The following IDH3A variants were observed in gnomAD, a reference collection of about 807,000 sequenced individuals.
IDH3A encodes isocitrate dehydrogenase [NAD] subunit alpha, mitochondrial.
In IDH3A, 23 loss-of-function variants were observed where a neutral mutation model predicts 43.3. The ratio of observed to expected loss-of-function variants is 0.53; its 90% CI spans 0.38 to 0.75. The LOEUF is 0.75. IDH3A is among the 30% of genes least tolerant of loss of function. IDH3A has a pLI of 0.00. For synonymous variants in IDH3A, 154 were observed against 163.5 expected (o/e 0.94, Z 0.44); for missense variants, 329 against 474.4 (o/e 0.69, Z 2.85).
chr15:78,159,099 C>T lies in IDH3A; in HGVS notation c.175-993C>T, dbSNP rs141731949. Among the ~76,000 whole-genome samples the T allele has an allele frequency of 1.2e-3, 178 of 152,318 alleles. 1 individual carries two copies. The East Asian group carries it at 0.016, about 14-fold the overall frequency. On this transcript the variant is annotated intron_variant, in intron 3 of 10. Coordinates refer to ENST00000299518, the MANE Select transcript of IDH3A (RefSeq NM_005530.3). The stretch of plus-strand genomic sequence containing the variant: ...CCACCCACCTTGGCTTCCCAAAGTG[C>T]AGGGATTACAGGCGTGAGCCACCAC...
In IDH3A at chr15:78,157,596, T is replaced by C; in HGVS notation, c.139T>C (p.Ser47Pro). 6.2e-7 allele frequency: 1 copy of C among 1,613,226 alleles called. No homozygotes were observed. The highest frequency in any genetic ancestry group is 1.1e-5 in the South Asian group (1 of 90,978). ...IPGDGIGPEI[S>P]AAVMKIFDAA... ...AGGAGATGGTATTGGCCCAGAAATT[T>C]CAGCTGCAGTTATGAAGATTTTTGA... The change falls in exon 3 of 11, where the codon TCA (serine) becomes CCA (proline). Residue 47 changes from serine to proline, a missense_variant. Ser to Pro is a moderately conservative substitution (Grantham distance 74). This residue lies in a region of IDH3A where 212 missense variants were observed against 345.5 expected (regional missense o/e 0.61). Transcript: ENST00000299518.
chr15:78,164,816 C>T (rs1007732320), intron 8 of IDH3A, among the ~76,000 whole-genome samples, 176 bp from the exon 9 acceptor site: 10 of 152,196 alleles, frequency 6.6e-5, no homozygotes, highest in African/African-American at 2.4e-4. Flanking sequence ...CTTTCTGACA[C>T]AGTAAGATGC....
intron 3 of IDH3A, among the ~76,000 whole-genome samples, chr15:78,159,201 A>G (rs1213254699): frequency 6.6e-6 from 1 of 152,166 alleles, no homozygotes; most frequent in Non-Finnish European, 1.5e-5. Context: ...TTATGCAACC[A>G]TCACCACAAT....
intron 1 of IDH3A, chr15:78,150,789 T>C (rs1323341008): frequency 6.6e-6 from 1 of 152,252 alleles, no homozygotes; most frequent in East Asian, 1.9e-4. Flanking sequence ...ACTGGTTTTT[T>C]TGTTCAATAA....
rs1462619653 is a variant in IDH3A, at chr15:78,168,933, A to G, written c.1029A>G (p.Lys343=). The change falls in exon 11 of 11, where the codon AAA becomes AAG. Residue 343 remains lysine (K), a synonymous_variant. Coordinates refer to ENST00000299518, the MANE Select transcript of IDH3A (RefSeq NM_005530.3). The stretch of plus-strand genomic sequence containing the variant: ...TTTCCTTTTCTCAGAGCTTGACAAA[A>G]GATTTGGGAGGCAATGCAAAATGCT... The part of the protein sequence containing the change: ...ATIKDGKSLT[K]DLGGNAKCSD... The G allele has an allele frequency of 1.3e-6, 2 of 1,597,646 alleles. No homozygotes were observed. The highest frequency in any genetic ancestry group is 2.2e-5 in the South Asian group (2 of 89,940).
intron 2 of IDH3A, chr15:78,155,685 G>T: frequency 6.0e-6 from 1 of 166,944 alleles, no homozygotes; most frequent in Non-Finnish European, 1.3e-5. Context: ...AGTAGATTGA[G>T]TGCCAATTAG....
Position 78,163,850 on chromosome 15 carries a change from T to C in IDH3A, c.779+70T>C. ...ATAAACATCCTAAAATAATTATGGC[T>C]TAACATTTTCAATTGAGTATTGTGA... On this transcript the variant is annotated intron_variant, in intron 8 of 10. Coordinates refer to ENST00000299518, the MANE Select transcript of IDH3A (RefSeq NM_005530.3). 5.1e-6 allele frequency: 5 copies of C among 987,114 alleles called. No homozygotes were observed. In the Admixed American group the frequency reaches 5.3e-5, roughly 10 times the overall value. 61.1% of individuals were successfully genotyped at this position (987,114 alleles called of 1,614,324 possible).
intron 1 of IDH3A, among the ~76,000 whole-genome samples, chr15:78,149,674 G>C (rs926483584): frequency 2.0e-5 from 3 of 152,132 alleles, no homozygotes; most frequent in African/African-American, 4.8e-5. Flanking sequence ...AGGTCAAGGC[G>C]GGGGGGCGCC....
Position 78,160,080 on chromosome 15 carries a change from T to C in IDH3A, c.175-12T>C. On this transcript the variant is annotated splice_polypyrimidine_tract_variant and intron_variant, in intron 3 of 10. Transcript: ENST00000299518. ...CTCTCCAGCTCACTGTGCTCTGTGA[T>C]GTGGCATCTAGGCACCTATTCAGTG... 6.7e-7 allele frequency: 1 copy of C among 1,498,398 alleles called. No homozygotes were observed. The allele number at this position is 1,498,398 out of a possible 1,614,324, so 92.8% of individuals were successfully genotyped here. A position where few individuals can be genotyped will look rare whatever the true frequency, so the allele number is the denominator to read the frequency against.
At chr15:78,152,049 ATTTTTTTTTTTTT>A (rs574440056) in intron 1 of IDH3A, among the ~76,000 whole-genome samples, 1 of 65,776 alleles carries the variant, frequency 1.5e-5, no homozygotes, top group Non-Finnish European at 2.7e-5. Context: ...ACTCATGTCA[ATTTTTTTTTTTTT>A]TTTTTTTTTT....
Position 78,171,373 on chromosome 15 carries a change from G to T in IDH3A, c.*2368G>T. On this transcript the variant is annotated 3_prime_UTR_variant, in exon 11 of 11. Transcript: ENST00000299518. ...GAAATGCCTGTGCCCAGACTGAAGA[G>T]ACCTGGGGCTCAGGAAGAGGCTCGG... 7.5e-7 allele frequency: 1 copy of T among 1,326,118 alleles called. No homozygotes were observed. Among genetic ancestry groups the T allele is most frequent in the Non-Finnish European group, 1.1e-6 (1 of 929,436 alleles). 82.1% of individuals were successfully genotyped at this position (1,326,118 alleles called of 1,614,324 possible).
Position 78,162,248 on chromosome 15 carries a change from C to A in IDH3A, c.492C>A (p.Val164=), listed in dbSNP as rs572923518. The A allele has an allele frequency of 4.3e-6, 7 of 1,614,058 alleles. No individual in the cohort carries two copies. The East Asian group carries it at 1.3e-4, about 31-fold the overall frequency. ...SGIEHVIVDG[V]VQSIKLITEG... Reference sequence around the variant, plus strand: ...CTGTCTTGCAGATTGTTGATGGAGTCGTGCAGAGTATCAAGCTCATCACCG... The same window carrying A: ...CTGTCTTGCAGATTGTTGATGGAGTAGTGCAGAGTATCAAGCTCATCACCG... The change falls in exon 6 of 11, where the codon GTC becomes GTA. Residue 164 remains valine (V), a synonymous_variant. Transcript: ENST00000299518.
intron 3 of IDH3A, 57 bp downstream of exon 3, chr15:78,157,688 A>G (rs975699910): frequency 8.1e-7 from 1 of 1,232,822 alleles, no homozygotes; most frequent in Non-Finnish European, 1.2e-6. Flanking sequence ...TTTCTTAGCC[A>G]GTTGGATTCT....
At position 78,170,900 on chromosome 15, in the gene IDH3A, C is replaced by G. The variant is rs1030298319; in HGVS notation, c.*1895C>G. 19 of 153,188 alleles carry G rather than the reference C, an allele frequency of 1.2e-4. No homozygotes were observed. Among genetic ancestry groups the G allele is most frequent in the African/African-American group, 4.6e-4 (19 of 41,464 alleles). The allele number at this position is 153,188 out of a possible 1,614,324, so 9.5% of individuals were successfully genotyped here. ...AAATTATACATTAAATAGAATCAAA[C>G]AGGCAGCAGCAGTTTTATTAAGCAT... is the stretch of plus-strand genomic sequence containing the variant. On this transcript the variant is annotated 3_prime_UTR_variant, in exon 11 of 11. Transcript: ENST00000299518.
Position 78,153,840 on chromosome 15 carries a change from GA to G in IDH3A, c.28-1370del, listed in dbSNP as rs563734273. 8.5e-5 allele frequency among the ~76,000 whole-genome samples: 13 copies of G among 152,258 alleles called. No homozygotes were observed. In the East Asian group the frequency reaches 2.5e-3, roughly 29 times the overall value. The stretch of plus-strand genomic sequence containing the variant: ...TTGAGACCAGCCGGGCCAACATGGA[GA>G]AACCCTGTCTCTACTAAAAATACAA... On this transcript the variant is annotated intron_variant, in intron 1 of 10. Coordinates refer to ENST00000299518, the MANE Select transcript of IDH3A (RefSeq NM_005530.3).
Position 78,149,438 on chromosome 15 carries a change from C to A in IDH3A, c.27+8C>A. ...CCCGCGTGGATCTCTAAGGTGAGCG[C>A]TGGCAGGCCGGCGTGTGGCAGGCAG... On this transcript the variant is annotated splice_region_variant and intron_variant, in intron 1 of 10. Transcript: ENST00000299518. 6.5e-7 allele frequency: 1 copy of A among 1,540,546 alleles called. No individual in the cohort carries two copies. The highest frequency in any genetic ancestry group is 1.4e-5 in the African/African-American group (1 of 70,380).
At chr15:78,162,872 CT>C (rs2141298995) in intron 6 of IDH3A, among the ~76,000 whole-genome samples, 1 of 152,270 alleles carries the variant, frequency 6.6e-6, no homozygotes, top group East Asian at 1.9e-4. Context: ...CTGCGCCTCC[CT>C]GGGCGAATGA....
intron 9 of IDH3A, 31 bp downstream of exon 9, chr15:78,165,107 A>G (rs1265583384): frequency 3.0e-6 from 4 of 1,341,794 alleles, no homozygotes; most frequent in Admixed American, 1.7e-5. Context: ...AACAGAACTC[A>G]GGTCAGAACA....
Position 78,149,447 on chromosome 15 carries a change from CGGCGTGTGGCAGGCA to C in IDH3A, c.27+21_27+35del. 5 of 1,534,654 alleles carry C rather than the reference CGGCGTGTGGCAGGCA, an allele frequency of 3.3e-6. 1 individual carries two copies. The highest frequency in any genetic ancestry group is 2.6e-5 in the East Asian group (1 of 38,706). On this transcript the variant is annotated intron_variant, in intron 1 of 10. Transcript: ENST00000299518. ...ATCTCTAAGGTGAGCGCTGGCAGGCCGGCGTGTGGCAGGCAGGCAGGCCGCGAGGGCTGGCAGGAG... is the reference window on the plus strand; with the variant it reads ...ATCTCTAAGGTGAGCGCTGGCAGGCCGGCAGGCCGCGAGGGCTGGCAGGAG...
Sources: gnomAD v4.1 joint callset for allele counts (sites outside exome capture counted in the v4.1 genomes callset) on GRCh38, gnomAD v4.1.1 for gene constraint, gnomAD v4.1.1 regional missense constraint, MANE v1.5 for transcripts, NCBI Gene and HGNC (gene_info 2026-07-23, HGNC 2026-07-21) for gene names.